The following CDC27 variants were observed in gnomAD, a reference collection of about 807,000 sequenced individuals.
CDC27 encodes cell division cycle 27, also known as cell division cycle protein 27 homolog.
A neutral mutation model predicts 109.7 loss-of-function variants in CDC27; 27 were observed. That is an observed-to-expected ratio of 0.25 (90% CI 0.18 to 0.34). The LOEUF is 0.34. Ranked by LOEUF, CDC27 falls within the 10% of genes least tolerant of loss-of-function variation. CDC27 has a pLI of 1.00. For missense variants in CDC27, 579 were observed against 960.2 expected, an observed-to-expected ratio of 0.60 and a Z score of 5.25; for synonymous variants, 266 against 333.9, an observed-to-expected ratio of 0.80 and a Z score of 2.22.
chr17:47,154,949 T>C, intron 7 of CDC27, 163 bp from the exon 8 acceptor site: 1 of 440,156 alleles, frequency 2.3e-6, no homozygotes. Flanking sequence ...ATGTAGACTA[T>C]TCCACCCACC....
chr17:47,172,376 C>T (rs561673660), intron 2 of CDC27, among the ~76,000 whole-genome samples: 36 of 152,088 alleles, frequency 2.4e-4, no homozygotes, highest in African/African-American at 8.0e-4. Context: ...AACAGACTAC[C>T]AGTAAAGGAT....
intron 8 of CDC27, 64 bp from the exon 9 acceptor site, chr17:47,151,982 A>G (rs1165698772): frequency 1.4e-6 from 2 of 1,463,316 alleles, no homozygotes; most frequent in Admixed American, 4.6e-5. Context: ...ATAAAAGACA[A>G]CACAACGCTC....
chr17:47,142,091 G>A, intron 11 of CDC27, 66 bp from the exon 12 acceptor site: 12 of 1,280,770 alleles, frequency 9.4e-6, no homozygotes, highest in South Asian at 3.2e-5. Context: ...CTCTAGAAAA[G>A]GTAATTACAA....
At chr17:47,166,956 G>A (rs1238192255) in intron 4 of CDC27, among the ~76,000 whole-genome samples, 1 of 152,180 alleles carries the variant, frequency 6.6e-6, no homozygotes, top group East Asian at 1.9e-4. Context: ...CCAGGTTCAA[G>A]CAATTCTCGT....
intron 16 of CDC27, among the ~76,000 whole-genome samples, chr17:47,125,375 C>A (rs939984135): frequency 1.3e-5 from 2 of 148,228 alleles, no homozygotes; most frequent in Non-Finnish European, 3.0e-5. Flanking sequence ...GCCTCCTGAG[C>A]AGCTGGAATT....
rs780282676 is a variant in CDC27 at position 47,143,938 on chromosome 17, T to C, written c.1115A>G (p.Asn372Ser). ...TCGTGAACTTCTTCGAGGCAGTGCG[T>C]TTGGGGGAGATGTAATAGTGGGGCT... ...VLSPTITSPP[N>S]ALPRRSSRLF... Residue 372 changes from asparagine to serine, a missense_variant, in exon 10 of 19, where the codon AAC becomes AGC. Transcript: ENST00000066544. 6.7e-7 allele frequency: 1 copy of C among 1,483,706 alleles called. No homozygotes were observed. The highest frequency in any genetic ancestry group is 9.0e-7 in the Non-Finnish European group (1 of 1,108,270). The allele number at this position is 1,483,706 out of a possible 1,614,324, so 91.9% of individuals were successfully genotyped here. A position where few individuals can be genotyped will look rare whatever the true frequency, so the allele number is the denominator to read the frequency against.
Position 47,117,828 on chromosome 17 carries a change from T to C in CDC27, c.*3107A>G, listed in dbSNP as rs564714667. On this transcript the variant is annotated 3_prime_UTR_variant, in exon 19 of 19. Coordinates refer to ENST00000066544, the MANE Select transcript of CDC27 (RefSeq NM_001256.6). Reference sequence around the variant, plus strand: ...ATTAGATAAACATTGCTCTAGTTTTTTGTGAAACATAAAACTGTATCTCTG... The same window carrying C: ...ATTAGATAAACATTGCTCTAGTTTTCTGTGAAACATAAAACTGTATCTCTG... The C allele has an allele frequency of 2.4e-4, 37 of 152,352 alleles. No homozygotes were observed. Among genetic ancestry groups the C allele is most frequent in the African/African-American group, 7.0e-4 (29 of 41,588 alleles). The allele number at this position is 152,352 out of a possible 1,614,324, so 9.4% of individuals were successfully genotyped here. A position where few individuals can be genotyped will look rare whatever the true frequency, so the allele number is the denominator to read the frequency against.
At chr17:47,164,321 T>A (rs1447396592) in intron 4 of CDC27, among the ~76,000 whole-genome samples, 2 of 152,204 alleles carry the variant, frequency 1.3e-5, no homozygotes, top group Non-Finnish European at 2.9e-5. Context: ...CAAATCCCCA[T>A]CATAAAGTGA....
chr17:47,187,232 C>T (rs978167230), intron 1 of CDC27, among the ~76,000 whole-genome samples: 3 of 152,274 alleles, frequency 2.0e-5, no homozygotes, highest in African/African-American at 7.2e-5. Context: ...TAAGGACAAA[C>T]AGGAAACCTG....
Position 47,189,208 on chromosome 17 carries a change from G to C in CDC27, c.-36C>G. ...CAGGCCCACTTTCTGCAGTGCCTCAGGCCCCCCCTGTAGCGGCTCCGGCCC... is the reference window on the plus strand; with the variant it reads ...CAGGCCCACTTTCTGCAGTGCCTCACGCCCCCCCTGTAGCGGCTCCGGCCC... On this transcript the variant is annotated 5_prime_UTR_variant, in exon 1 of 19. Transcript: ENST00000066544. 6.3e-7 allele frequency: 1 copy of C among 1,580,560 alleles called. No homozygotes were observed. Among genetic ancestry groups the C allele is most frequent in the South Asian group, 1.1e-5 (1 of 90,416 alleles).
At chr17:47,179,270 T>C (rs543508305) in intron 2 of CDC27, among the ~76,000 whole-genome samples, 13 of 152,340 alleles carry the variant, frequency 8.5e-5, no homozygotes, top group African/African-American at 2.2e-4. Flanking sequence ...TAGAAACTGC[T>C]ACTAGTGACA....
chr17:47,144,656 A>T (rs1457711760), intron 9 of CDC27, among the ~76,000 whole-genome samples: 1 of 152,236 alleles, frequency 6.6e-6, no homozygotes, highest in Non-Finnish European at 1.5e-5. Flanking sequence ...TTTCAATCTT[A>T]GCAAGCAAAC....
At chr17:47,169,251 G>A (rs887686419) in intron 4 of CDC27, among the ~76,000 whole-genome samples, 1 of 151,880 alleles carries the variant, frequency 6.6e-6, no homozygotes, top group South Asian at 2.1e-4. Context: ...TCCACCTCCC[G>A]AAGTGTTGAG....
chr17:47,147,354 G>C (rs568014212), intron 9 of CDC27, among the ~76,000 whole-genome samples: 1 of 150,894 alleles, frequency 6.6e-6, no homozygotes, highest in African/African-American at 2.4e-5. Flanking sequence ...AGTCGAGATC[G>C]CGCCACTGCA....
chr17:47,138,657 GT>G (rs1295993224), intron 13 of CDC27, 81 bp downstream of exon 13: 16 of 954,988 alleles, frequency 1.7e-5, no homozygotes, highest in Non-Finnish European at 3.3e-6. Context: ...ACTAAATAGT[GT>G]TTGAATTGCT....
At chr17:47,138,156 T>A (rs1178718033) in intron 13 of CDC27, among the ~76,000 whole-genome samples, 7 of 152,108 alleles carry the variant, frequency 4.6e-5, no homozygotes, top group Non-Finnish European at 1.0e-4. Context: ...ATTTTTAGGA[T>A]TCAAGATTAT....
chr17:47,143,778 G>C, intron 10 of CDC27, 105 bp downstream of exon 10: 1 of 420,520 alleles, frequency 2.4e-6, no homozygotes, highest in Non-Finnish European at 4.1e-6. Flanking sequence ...TTTAAAATTC[G>C]AAATAGTCTC....
chr17:47,163,078 C>T (rs570319905), intron 4 of CDC27, among the ~76,000 whole-genome samples: 123 of 152,180 alleles, frequency 8.1e-4, no homozygotes, highest in African/African-American at 2.8e-3. Flanking sequence ...GTGATACACA[C>T]AAAACCCAGC....
chr17:47,153,800 C>T (rs1192218903), intron 8 of CDC27, among the ~76,000 whole-genome samples: 1 of 152,066 alleles, frequency 6.6e-6, no homozygotes, highest in East Asian at 1.9e-4. Context: ...AAACAAGAGC[C>T]TCAGCAGGGC....
Sources: allele counts gnomAD v4.1 joint callset (sites outside exome capture counted in the v4.1 genomes callset), GRCh38; gene constraint gnomAD v4.1.1; transcripts MANE v1.5; gene names NCBI Gene and HGNC (gene_info 2026-07-23, HGNC 2026-07-21).